The following DOCK3 variants were observed in gnomAD, a reference collection of about 807,000 sequenced individuals.
DOCK3 encodes the protein dedicator of cytokinesis 3, also known as dedicator of cytokinesis protein 3.
DOCK3 carries 60 observed loss-of-function variants against 265.6 expected under a neutral mutation model. That is an observed-to-expected ratio of 0.23 (90% CI 0.18 to 0.28). The LOEUF is 0.28. DOCK3 is among the 10% of genes least tolerant of loss of function. The probability of loss-of-function intolerance (pLI) is 1.00; values close to 1 mark genes in which losing one functional copy is unlikely to be tolerated. For missense variants in DOCK3, 1,981 were observed against 2,594.3 expected (o/e 0.76, Z 5.14); for synonymous variants, 881 against 938.0 (o/e 0.94, Z 1.11).
At chr3:50,915,954 G>A (rs1267263166) in intron 4 of DOCK3, among the ~76,000 whole-genome samples, 2 of 151,900 alleles carry the variant, frequency 1.3e-5, no homozygotes, top group South Asian at 2.1e-4. Context: ...GGGATATCCA[G>A]CCATAGATTT....
intron 5 of DOCK3, among the ~76,000 whole-genome samples, chr3:51,038,744 T>G (rs1303714063): frequency 6.6e-6 from 1 of 152,158 alleles, no homozygotes; most frequent in African/African-American, 2.4e-5. Flanking sequence ...CATGGCACAT[T>G]ATTGTCATCA....
Position 51,245,992 on chromosome 3 carries a change from C to G in DOCK3, c.2103-734C>G, listed in dbSNP as rs376364630. Among the ~76,000 whole-genome samples the G allele has an allele frequency of 2.0e-4, 31 of 152,282 alleles. 2 individuals are homozygous for G. Among genetic ancestry groups the G allele is most frequent in the African/African-American group, 3.6e-4 (15 of 41,552 alleles). On this transcript the variant is annotated intron_variant, in intron 21 of 52. Coordinates refer to ENST00000266037, the MANE Select transcript of DOCK3 (RefSeq NM_004947.5). ...TGACCATGGCGTATACTCCTGACCT[C>G]TGTGCTTTGTTGCCATATAAATATG...
In DOCK3 at chr3:51,339,027, A is replaced by G; in HGVS notation, c.3765A>G (p.Thr1255=). Residue 1255 remains threonine (T), a splice_region_variant and synonymous_variant, in exon 37 of 53, where the codon ACA becomes ACG. Transcript: ENST00000266037. ...CDMHLQAENY[T]EAAFTLLLYC... ...TGCACTTGCAGGCCGAAAACTACAC[A>G]GGTAAGTGGGGAGAAGAGAGAGCCA... 1.3e-6 allele frequency: 2 copies of G among 1,587,678 alleles called. No homozygotes were observed. The highest frequency in any genetic ancestry group is 1.7e-6 in the Non-Finnish European group (2 of 1,167,674).
intron 1 of DOCK3, among the ~76,000 whole-genome samples, chr3:50,722,224 T>C (rs570622970): frequency 6.6e-6 from 1 of 152,272 alleles, no homozygotes; most frequent in South Asian, 2.1e-4. Context: ...AAGGGTGATT[T>C]CCTGAAGTAC....
chr3:51,160,793 C>CT, intron 12 of DOCK3, 91 bp downstream of exon 12: 1 of 1,466,484 alleles, frequency 6.8e-7, no homozygotes, highest in South Asian at 1.4e-5. Flanking sequence ...ACCTTGTGGA[C>CT]ACAGGCCACG....
At chr3:50,683,219 T>C (rs779390170) in intron 1 of DOCK3, among the ~76,000 whole-genome samples, 4 of 152,250 alleles carry the variant, frequency 2.6e-5, no homozygotes, top group Non-Finnish European at 5.9e-5. Context: ...CTTGTGTGAT[T>C]GATATTAAAC....
At chr3:50,979,178 G>A (rs2077600457) in intron 5 of DOCK3, among the ~76,000 whole-genome samples, 1 of 152,096 alleles carries the variant, frequency 6.6e-6, no homozygotes, top group African/African-American at 2.4e-5. Flanking sequence ...CCCCCAGTGT[G>A]TTTCAATTTG....
intron 5 of DOCK3, among the ~76,000 whole-genome samples, chr3:51,019,197 T>C (rs1391862730): frequency 1.3e-5 from 2 of 151,956 alleles, no homozygotes; most frequent in African/African-American, 4.9e-5. Flanking sequence ...AAGAAATCTT[T>C]GTTTATTGCA....
chr3:50,882,478 A>G (rs2048096794), intron 3 of DOCK3, among the ~76,000 whole-genome samples: 1 of 152,236 alleles, frequency 6.6e-6, no homozygotes, highest in African/African-American at 2.4e-5. Context: ...ACACTTCTCA[A>G]AAGAAGACAT....
At chr3:51,343,984 G>A (rs1353546018) in intron 38 of DOCK3, among the ~76,000 whole-genome samples, 3 of 152,220 alleles carry the variant, frequency 2.0e-5, no homozygotes, top group Non-Finnish European at 4.4e-5. Context: ...GGATATGGCA[G>A]GGTGAGAGTT....
chr3:51,347,353 A>G (rs191576018), intron 38 of DOCK3, among the ~76,000 whole-genome samples: 1 of 152,230 alleles, frequency 6.6e-6, no homozygotes, highest in South Asian at 2.1e-4. Context: ...AGCTTTCTAC[A>G]TATGGCTAGC....
chr3:51,000,951 C>A (rs771840380), intron 5 of DOCK3, among the ~76,000 whole-genome samples: 8 of 152,238 alleles, frequency 5.3e-5, no homozygotes, highest in Non-Finnish European at 7.3e-5. Context: ...CCACACCCAG[C>A]CTGTTCTGCC....
intron 3 of DOCK3, among the ~76,000 whole-genome samples, chr3:50,884,570 G>A (rs1489854123): frequency 6.6e-6 from 1 of 152,022 alleles, no homozygotes; most frequent in Non-Finnish European, 1.5e-5. Context: ...TTTCTCTCTT[G>A]TCAATTTTTT....
At chr3:50,805,916 T>G (rs2043383224) in intron 2 of DOCK3, among the ~76,000 whole-genome samples, 1 of 152,106 alleles carries the variant, frequency 6.6e-6, no homozygotes, top group South Asian at 2.1e-4. Context: ...GCCTGGTATG[T>G]GCAAGGCTGC....
intron 23 of DOCK3, among the ~76,000 whole-genome samples, chr3:51,265,695 G>A (rs571572677): frequency 3.9e-5 from 6 of 152,202 alleles, no homozygotes; most frequent in South Asian, 4.1e-4. Flanking sequence ...TTGATGGGAC[G>A]TATCTCAAAG....
Position 51,310,336 on chromosome 3 carries a change from GA to G in DOCK3, c.3017+12del. ...GACTGCTCACAAGCAAGTAAGTATG[GA>G]AGGGCTCTGTATCAGCATCACTGAG... On this transcript the variant is annotated intron_variant, in intron 28 of 52. Coordinates refer to ENST00000266037, the MANE Select transcript of DOCK3 (RefSeq NM_004947.5). 6.3e-7 allele frequency: 1 copy of G among 1,577,054 alleles called. No individual in the cohort carries two copies. Among genetic ancestry groups the G allele is most frequent in the Non-Finnish European group, 8.6e-7 (1 of 1,158,322 alleles).
At chr3:50,985,511 A>G (rs891342633) in intron 5 of DOCK3, among the ~76,000 whole-genome samples, 24 of 152,192 alleles carry the variant, frequency 1.6e-4, no homozygotes, top group Non-Finnish European at 2.8e-4. Context: ...CATTGTAGAG[A>G]CACTTTGTTC....
chr3:51,064,424 C>T, intron 5 of DOCK3, 24 bp from the exon 6 acceptor site: 1 of 1,611,958 alleles, frequency 6.2e-7, no homozygotes, highest in Non-Finnish European at 8.5e-7. Context: ...TGTATTTCAC[C>T]CAACACCAAA....
chr3:51,293,262 T>C (rs1003786762), intron 27 of DOCK3, among the ~76,000 whole-genome samples: 2 of 152,170 alleles, frequency 1.3e-5, no homozygotes, highest in Non-Finnish European at 2.9e-5. Flanking sequence ...CACCATGGTA[T>C]TGGCATAAAA....
Sources: allele counts gnomAD v4.1 joint callset (sites outside exome capture counted in the v4.1 genomes callset), GRCh38; gene constraint gnomAD v4.1.1; transcripts MANE v1.5; gene names NCBI Gene and HGNC (gene_info 2026-07-23, HGNC 2026-07-21).